The following ZNF461 variants were observed in gnomAD, a reference collection of about 807,000 sequenced individuals.
ZNF461 encodes the protein zinc finger protein 461.
Under a neutral mutation model 18.3 loss-of-function variants are expected in ZNF461, and 16 were observed. The ratio of observed to expected loss-of-function variants is 0.88; its 90% confidence interval spans 0.59 to 1.33. ZNF461 has a LOEUF of 1.33. ZNF461 is among the 40% of genes most tolerant of loss of function. ZNF461 has a pLI of 0.00. For missense variants in ZNF461, 595 were observed against 669.9 expected (o/e 0.89, Z 1.23); for synonymous variants, 179 against 216.9 (o/e 0.83, Z 1.54).
chr19:36,644,106 G>A (rs1374489477), intron 4 of ZNF461, among the ~76,000 whole-genome samples: 1 of 151,496 alleles, frequency 6.6e-6, no homozygotes, highest in Admixed American at 6.6e-5. Context: ...TTAATTTTTT[G>A]TATTTTTAGT....
chr19:36,659,020 G>A (rs140821507), intron 2 of ZNF461, among the ~76,000 whole-genome samples: 3 of 152,166 alleles, frequency 2.0e-5, no homozygotes, highest in African/African-American at 4.8e-5. Context: ...TATAGAATAC[G>A]GCAGAAGTGA....
rs1383764163 is a variant in ZNF461 at position 36,638,316 on chromosome 19, TAC to T, written c.*335_*336del. 4.9e-6 allele frequency: 1 copy of T among 204,372 alleles called. No homozygotes were observed. The highest frequency in any genetic ancestry group is 9.9e-6 in the Non-Finnish European group (1 of 100,848). The allele number at this position is 204,372 out of a possible 1,614,324, so 12.7% of individuals were successfully genotyped here. ...TGTTTGAGCATAAAGGAAGAAGAAA[TAC>T]ACATACTGGTTATCTCAGAGATTTG... On this transcript the variant is annotated 3_prime_UTR_variant, in exon 6 of 6. Coordinates refer to ENST00000588268, the MANE Select transcript of ZNF461 (RefSeq NM_153257.5).
At position 36,658,398 on chromosome 19, in the gene ZNF461, T is replaced by C. The variant is rs778258243; in HGVS notation, c.37A>G (p.Ile13Val). Residue 13 changes from isoleucine (I) to valine (V), a missense_variant, in exon 3 of 6, where the codon ATA becomes GTA. By Grantham distance (29) the Ile-to-Val change is conservative (BLOSUM62 3). Transcript: ENST00000588268. ...HELVMFRDVA[I>V]DVSQEEWECL... ...TCCCATTCCTCCTGAGAGACATCTA[T>C]AGCCACATCTCTGAACATCACCAAC... 20 of 1,611,216 alleles carry C rather than the reference T, an allele frequency of 1.2e-5. No individual in the cohort carries two copies. The highest frequency in any genetic ancestry group is 1.6e-5 in the Non-Finnish European group (19 of 1,178,546).
chr19:36,645,785 T>C (rs893619388), intron 4 of ZNF461, among the ~76,000 whole-genome samples: 2 of 152,138 alleles, frequency 1.3e-5, no homozygotes, highest in African/African-American at 4.8e-5. Flanking sequence ...ACTGAAGCTT[T>C]ATTTTATTTA....
At chr19:36,655,026 T>G (rs2037691829) in intron 4 of ZNF461, among the ~76,000 whole-genome samples, 1 of 152,158 alleles carries the variant, frequency 6.6e-6, no homozygotes, top group Non-Finnish European at 1.5e-5. Context: ...TCTTGCAGTG[T>G]CACCTAGACT....
At chr19:36,647,378 A>G (rs551498794) in intron 4 of ZNF461, among the ~76,000 whole-genome samples, 1 of 152,196 alleles carries the variant, frequency 6.6e-6, no homozygotes, top group African/African-American at 2.4e-5. Flanking sequence ...TGTCTCTACT[A>G]AAAATACAAA....
Position 36,638,647 on chromosome 19 carries a change from C to A in ZNF461, c.*6G>T. 1 of 1,576,968 alleles carries A rather than the reference C, an allele frequency of 6.3e-7. No individual in the cohort carries two copies. Among genetic ancestry groups the A allele is most frequent in the South Asian group, 1.2e-5 (1 of 86,882 alleles). On this transcript the variant is annotated 3_prime_UTR_variant, in exon 6 of 6. Coordinates refer to ENST00000588268, the MANE Select transcript of ZNF461 (RefSeq NM_153257.5). ...CAAAGACAATGTATATTTCCATCAA[C>A]AAATTTCATGATGCTAGACTAGGAT...
At chr19:36,653,250 C>G (rs1480303006) in intron 4 of ZNF461, among the ~76,000 whole-genome samples, 1 of 151,884 alleles carries the variant, frequency 6.6e-6, no homozygotes, top group Non-Finnish European at 1.5e-5. Context: ...TTATCATAAA[C>G]AAATGAAGAC....
chr19:36,666,191 T>G (rs1370970231), intron 1 of ZNF461, among the ~76,000 whole-genome samples: 1 of 149,212 alleles, frequency 6.7e-6, no homozygotes, highest in African/African-American at 2.5e-5. Context: ...GCCTCCCGGG[T>G]TCAAGCGATT....
At chr19:36,647,357 T>C (rs1267566657) in intron 4 of ZNF461, among the ~76,000 whole-genome samples, 3 of 152,116 alleles carry the variant, frequency 2.0e-5, no homozygotes, top group Non-Finnish European at 4.4e-5. Context: ...CTGGCCAACA[T>C]GGTTAAACCC....
rs992951527 is a variant in ZNF461 at position 36,639,624 on chromosome 19, T to C, written c.721A>G (p.Asn241Asp). Reference sequence around the variant, plus strand: ...TTACACTCATTGCATTTGTCACCATTTTGAATTGTCTGTTGTTTAAAAAGG... The same window carrying C: ...TTACACTCATTGCATTTGTCACCATCTTGAATTGTCTGTTGTTTAAAAAGG... ...PCLFKQQTIQNGDKCNECKEC... is the reference protein window; with the variant it reads ...PCLFKQQTIQDGDKCNECKEC... Residue 241 changes from asparagine (N) to aspartate (D), a missense_variant, in exon 6 of 6, where the codon AAT becomes GAT. By Grantham distance (23) the Asn-to-Asp change is conservative (BLOSUM62 1). Transcript: ENST00000588268. 2 of 1,613,562 alleles carry C rather than the reference T, an allele frequency of 1.2e-6. No individual in the cohort carries two copies. Among genetic ancestry groups the C allele is most frequent in the African/African-American group, 1.3e-5 (1 of 74,928 alleles).
chr19:36,648,777 C>T (rs1332444619), intron 4 of ZNF461, among the ~76,000 whole-genome samples: 4 of 152,088 alleles, frequency 2.6e-5, no homozygotes, highest in East Asian at 1.9e-4. Flanking sequence ...GACGGGGTTT[C>T]GCCATGTTGG....
intron 5 of ZNF461, among the ~76,000 whole-genome samples, chr19:36,641,487 C>A (rs917005679): frequency 1.3e-5 from 2 of 151,492 alleles, no homozygotes; most frequent in Admixed American, 6.6e-5. Flanking sequence ...CACTGCACTC[C>A]AACCTGGGCA....
intron 1 of ZNF461, among the ~76,000 whole-genome samples, chr19:36,665,874 G>A (rs760106876): frequency 6.6e-6 from 1 of 151,940 alleles, no homozygotes; most frequent in Non-Finnish European, 1.5e-5. Context: ...CTTGTGTTGT[G>A]TGTGTAAATC....
chr19:36,664,629 C>T, intron 2 of ZNF461, 69 bp downstream of exon 2: 1 of 1,286,058 alleles, frequency 7.8e-7, no homozygotes, highest in South Asian at 1.7e-5. Flanking sequence ...ATGCCCTATA[C>T]AAAAAAAACA....
chr19:36,639,714 T>G lies in ZNF461; in HGVS notation c.631A>C (p.Lys211Gln). ...FSYHLFFSHH[K>Q]RTHSKELSEC... ...GAAAGTTCTTTAGAATGAGTTCTTT[T>G]GTGGTGACTAAAAAATAAATGGTAA... The change falls in exon 6 of 6, where the codon AAA (lysine) becomes CAA (glutamine). Residue 211 changes from lysine to glutamine, a missense_variant. Physicochemically the swap from Lys to Gln is moderately conservative, Grantham distance 53 (BLOSUM62 1). Coordinates refer to ENST00000588268, the MANE Select transcript of ZNF461 (RefSeq NM_153257.5). 6.2e-7 allele frequency: 1 copy of G among 1,613,622 alleles called. No individual in the cohort carries two copies. The highest frequency in any genetic ancestry group is 8.5e-7 in the Non-Finnish European group (1 of 1,179,688).
Position 36,638,584 on chromosome 19 carries a change from T to C in ZNF461, c.*69A>G. On this transcript the variant is annotated 3_prime_UTR_variant, in exon 6 of 6. Coordinates refer to ENST00000588268, the MANE Select transcript of ZNF461 (RefSeq NM_153257.5). Reference sequence around the variant, plus strand: ...GATTATTTAAATAAATAAATACTAATGAAACTGGTGGCTTACCAACTTTTT... The same window carrying C: ...GATTATTTAAATAAATAAATACTAACGAAACTGGTGGCTTACCAACTTTTT... 8.6e-7 allele frequency: 1 copy of C among 1,164,320 alleles called. No homozygotes were observed. The highest frequency in any genetic ancestry group is 1.2e-6 in the Non-Finnish European group (1 of 844,252). The allele number at this position is 1,164,320 out of a possible 1,614,324, so 72.1% of individuals were successfully genotyped here.
chr19:36,659,658 G>C (rs990117847), intron 2 of ZNF461, among the ~76,000 whole-genome samples: 1 of 152,062 alleles, frequency 6.6e-6, no homozygotes, highest in Non-Finnish European at 1.5e-5. Context: ...ATTTTCTAAG[G>C]TACATATTCC....
Position 36,638,718 on chromosome 19 carries a change from G to C in ZNF461, c.1627C>G (p.Leu543Val). ...CTGACTGGCTTCTCGCCAGTATGAA[G>C]AGTCTGATGTAAGTTAAGTTGTAAT... ...HRLQLNLHQT[L>V]HTGEKPVRFP... is the part of the protein sequence containing the mutation. The change falls in exon 6 of 6, where the codon CTT becomes GTT. Residue 543 changes from leucine (L) to valine (V), a missense_variant. By Grantham distance (32) the Leu-to-Val change is conservative. Transcript: ENST00000588268. 1 of 1,613,828 alleles carries C rather than the reference G, an allele frequency of 6.2e-7. No individual in the cohort carries two copies. Among genetic ancestry groups the C allele is most frequent in the East Asian group, 2.2e-5 (1 of 44,868 alleles).
Sources: allele counts gnomAD v4.1 joint callset (sites outside exome capture counted in the v4.1 genomes callset), GRCh38; gene constraint gnomAD v4.1.1; transcripts MANE v1.5; gene names NCBI Gene and HGNC (gene_info 2026-07-23, HGNC 2026-07-21).